SPDYE21: variants seen among roughly 807,000 people sequenced by gnomAD.
SPDYE21 encodes the protein speedy protein E21.
In SPDYE21, 14 loss-of-function variants were observed where a neutral mutation model predicts 36.2. That is an observed-to-expected ratio of 0.39 (90% CI 0.26 to 0.61). The LOEUF (loss-of-function observed/expected upper bound fraction) is 0.61, where lower values mean the gene tolerates loss of function less well. Ranked by LOEUF, SPDYE21 falls within the 20% of genes least tolerant of loss-of-function variation. SPDYE21 has a pLI of 0.55. For synonymous variants in SPDYE21, 58 were observed against 155.1 expected, an observed-to-expected ratio of 0.37 and a Z score of 4.65; for missense variants, 233 against 424.6, an observed-to-expected ratio of 0.55 and a Z score of 3.97.
rs555814972 is a variant in SPDYE21 at position 67,286,271 on chromosome 7, G to A, written c.983G>A (p.Arg328His). The A allele has an allele frequency of 3.3e-5, 53 of 1,592,996 alleles. No individual in the cohort carries two copies. In the East Asian group the frequency reaches 8.5e-4, roughly 25 times the overall value. Residue 328 changes from arginine to histidine, a missense_variant, in exon 7 of 9, where the codon CGC becomes CAC. Arg to His is a conservative substitution (Grantham distance 29, BLOSUM62 0). This residue lies in a region of SPDYE21 where 139 missense variants were observed against 175.8 expected (regional missense o/e 0.79). Coordinates refer to ENST00000424157, the MANE Select transcript of SPDYE21 (RefSeq NM_001382715.2). ...RSMNPRARKY[R>H]SRIPLVRKRR... is the part of the protein sequence containing the mutation. ...ATGAACCCGAGGGCCAGGAAGTACC[G>A]CTCTCGCATACCCTTGGTCCGTAAG...
At chr7:67,285,413 CAG>C (rs1368508389) in intron 6 of SPDYE21, among the ~76,000 whole-genome samples, 1 of 151,508 alleles carries the variant, frequency 6.6e-6, no homozygotes, top group Non-Finnish European at 1.5e-5. Context: ...TTTATTGAGA[CAG>C]AGTCTTGCTC....
Position 67,288,069 on chromosome 7 carries a change from G to GT in SPDYE21, c.*603dup. Among the ~76,000 whole-genome samples the GT allele has an allele frequency of 6.6e-6, 1 of 151,614 alleles. No homozygotes were observed. Among genetic ancestry groups the GT allele is most frequent in the East Asian group, 1.9e-4 (1 of 5,184 alleles). ...CTTTTGAAAACATGCTGTTCCTGTA[G>GT]TTTTTTGATGAGAGTTATAGTTGTT... is the stretch of plus-strand genomic sequence containing the variant. On this transcript the variant is annotated 3_prime_UTR_variant, in exon 9 of 9. Coordinates refer to ENST00000424157, the MANE Select transcript of SPDYE21 (RefSeq NM_001382715.2).
In SPDYE21 at chr7:67,286,313, G is replaced by A. The variant is rs1411083016; in HGVS notation, c.1025G>A (p.Arg342His). The A allele has an allele frequency of 6.9e-6, 11 of 1,600,736 alleles. No homozygotes were observed. Among genetic ancestry groups the A allele is most frequent in the African/African-American group, 2.7e-5 (2 of 74,654 alleles). ...PLVRKRRFQL[R>H]RCMNPRARKN... ...GTCCGTAAGCGTCGGTTCCAGTTAC[G>A]CCGTTGCATGAACCCGAGGGCCAGG... The change falls in exon 7 of 9, where the codon CGC becomes CAC. Residue 342 changes from arginine to histidine, a missense_variant. Physicochemically the swap from Arg to His is conservative, Grantham distance 29 (BLOSUM62 0). Around this residue, in one of 4 missense-constraint regions of SPDYE21, gnomAD observed 139 missense variants for 175.8 expected, o/e 0.79. Coordinates refer to ENST00000424157, the MANE Select transcript of SPDYE21 (RefSeq NM_001382715.2).
chr7:67,287,603 C>A lies in SPDYE21; in HGVS notation c.*131C>A, dbSNP rs1368931295. On this transcript the variant is annotated 3_prime_UTR_variant, in exon 9 of 9. Transcript: ENST00000424157. ...AGACACCAGGAAGGAGAAGAGGAAC[C>A]ATTTGTGCAGATCATCTAGAAGAAC... is the stretch of plus-strand genomic sequence containing the variant. Among the ~76,000 whole-genome samples, 1 of 147,822 alleles carries A rather than the reference C, an allele frequency of 6.8e-6. No homozygotes were observed. Among genetic ancestry groups the A allele is most frequent in the Non-Finnish European group, 1.5e-5 (1 of 67,552 alleles).
Position 67,288,844 on chromosome 7 carries a change from A to G in SPDYE21, c.*1372A>G, listed in dbSNP as rs1412888534. 6.6e-6 allele frequency among the ~76,000 whole-genome samples: 1 copy of G among 150,804 alleles called. No homozygotes were observed. Among genetic ancestry groups the G allele is most frequent in the Non-Finnish European group, 1.5e-5 (1 of 67,776 alleles). ...ATATATTTGAAATGTGAGAATTCAG[A>G]TGTAATTTTTTACCTTGTTTTGGCA... On this transcript the variant is annotated 3_prime_UTR_variant, in exon 9 of 9. Coordinates refer to ENST00000424157, the MANE Select transcript of SPDYE21 (RefSeq NM_001382715.2).
intron 4 of SPDYE21, among the ~76,000 whole-genome samples, 160 bp from the exon 5 acceptor site, chr7:67,282,475 T>C (rs1413017530): frequency 6.6e-6 from 1 of 150,824 alleles, no homozygotes; most frequent in African/African-American, 2.4e-5. Context: ...CAGGAGCCTC[T>C]CTCCCTTGCC....
At chr7:67,280,825 G>A (rs1255647182) in intron 3 of SPDYE21, among the ~76,000 whole-genome samples, 108 of 137,640 alleles carry the variant, frequency 7.8e-4, no homozygotes, top group African/African-American at 2.9e-3. Flanking sequence ...GCTCACACCT[G>A]TAATCCCAGC....
Position 67,282,615 on chromosome 7 carries a change from C to T in SPDYE21, c.611-20C>T, listed in dbSNP as rs1802659063. 1 of 1,574,970 alleles carries T rather than the reference C, an allele frequency of 6.3e-7. No individual in the cohort carries two copies. The highest frequency in any genetic ancestry group is 8.6e-7 in the Non-Finnish European group (1 of 1,161,118). On this transcript the variant is annotated intron_variant, in intron 4 of 8. Coordinates refer to ENST00000424157, the MANE Select transcript of SPDYE21 (RefSeq NM_001382715.2). ...AACCCTGTCCTGCTTCTCACACTGA[C>T]ATCTGCTCTCTAATCACAGAGGATC...
chr7:67,280,345 G>A (rs1030965613), intron 3 of SPDYE21, among the ~76,000 whole-genome samples: 9 of 152,044 alleles, frequency 5.9e-5, no homozygotes, highest in Non-Finnish European at 1.2e-4. Context: ...CTTTGAGGCT[G>A]CAGTGAGCTA....
chr7:67,282,839 C>A, intron 5 of SPDYE21, 146 bp downstream of exon 5: 1 of 1,077,572 alleles, frequency 9.3e-7, no homozygotes, highest in Non-Finnish European at 1.3e-6. Flanking sequence ...CAGAGTCTTG[C>A]TCTGTTGCCC....
In SPDYE21 at chr7:67,284,352, G is replaced by A. The variant is rs1484253810; in HGVS notation, c.755+354G>A. Among the ~76,000 whole-genome samples the A allele has an allele frequency of 1.0e-4, 15 of 149,616 alleles. No homozygotes were observed. The Admixed American group carries it at 1.0e-3, about 10-fold the overall frequency. ...TAATCCCAGCTACTTGGGAGGCTGA[G>A]GCAAGAGAACCCTTTGAACCCAGGA... On this transcript the variant is annotated intron_variant, in intron 6 of 8. Coordinates refer to ENST00000424157, the MANE Select transcript of SPDYE21 (RefSeq NM_001382715.2).
chr7:67,279,747 G>T lies in SPDYE21; in HGVS notation c.161-71G>T, dbSNP rs1802599307. 5.7e-6 allele frequency: 9 copies of T among 1,592,696 alleles called. 1 individual carries two copies. The highest frequency in any genetic ancestry group is 4.5e-4 in the Middle Eastern group (2 of 4,440). ...GGCTGGGGAGGATGGAGAGTGGTTTGGGGTTTTGGGTCGGGGTCTAAGGTG... is the reference window on the plus strand; with the variant it reads ...GGCTGGGGAGGATGGAGAGTGGTTTTGGGTTTTGGGTCGGGGTCTAAGGTG... On this transcript the variant is annotated intron_variant, in intron 2 of 8. Coordinates refer to ENST00000424157, the MANE Select transcript of SPDYE21 (RefSeq NM_001382715.2).
chr7:67,286,338 G>A lies in SPDYE21; in HGVS notation c.1050G>A (p.Arg350=). The change falls in exon 7 of 9, where the codon AGG becomes AGA. Residue 350 remains arginine, a synonymous_variant. Transcript: ENST00000424157. ...QLRRCMNPRA[R]KNRSQIVLFQ... ...GCCGTTGCATGAACCCGAGGGCCAGGAAGAACCGCTCTCAGATAGTCCTGT... is the reference window on the plus strand; with the variant it reads ...GCCGTTGCATGAACCCGAGGGCCAGAAAGAACCGCTCTCAGATAGTCCTGT... 6.2e-7 allele frequency: 1 copy of A among 1,613,892 alleles called. No homozygotes were observed. Among genetic ancestry groups the A allele is most frequent in the South Asian group, 1.1e-5 (1 of 91,068 alleles).
chr7:67,286,770 A>AT (rs1802743917), intron 8 of SPDYE21, among the ~76,000 whole-genome samples, 106 bp downstream of exon 8: 2 of 151,966 alleles, frequency 1.3e-5, no homozygotes, highest in African/African-American at 4.8e-5. Context: ...ACGTGGTGAG[A>AT]TCCCCTCTCC....
Position 67,282,667 on chromosome 7 carries a change from G to A in SPDYE21, c.643G>A (p.Asp215Asn). The change falls in exon 5 of 9, where the codon GAC (aspartate) becomes AAC (asparagine). Residue 215 changes from aspartate (D) to asparagine (N), a missense_variant. Asp to Asn is a conservative substitution (Grantham distance 23). Around this residue, in one of 4 missense-constraint regions of SPDYE21, gnomAD observed 24 missense variants for 59.2 expected, o/e 0.41. Transcript: ENST00000424157. ...DPVIKRFLAW[D>N]KDLRVSDKYL... ...TGTCATTAAAAGATTCCTGGCCTGG[G>A]ACAAAGATCTGAGGGTGTCGGACAA... 6.4e-7 allele frequency: 1 copy of A among 1,560,292 alleles called. No homozygotes were observed. Among genetic ancestry groups the A allele is most frequent in the Non-Finnish European group, 8.6e-7 (1 of 1,160,616 alleles).
chr7:67,284,399 A>G (rs1802692331), intron 6 of SPDYE21, among the ~76,000 whole-genome samples: 1 of 142,872 alleles, frequency 7.0e-6, no homozygotes, highest in Non-Finnish European at 1.5e-5. Flanking sequence ...CAGTAAGCTA[A>G]GGTCGAGCCA....
In SPDYE21 at chr7:67,286,139, T is replaced by C. The variant is rs1802727759; in HGVS notation, c.851T>C (p.Leu284Pro). Residue 284 changes from leucine (L) to proline (P), a missense_variant, in exon 7 of 9, where the codon CTC (leucine) becomes CCC (proline). This residue lies in a region of SPDYE21 where 139 missense variants were observed against 175.8 expected (regional missense o/e 0.79). Transcript: ENST00000424157. ...AAGACCCGCTCTCGCATACCCTTGCTCCGTAAGCGTTGGTTCCAGTTAGGC... is the reference window on the plus strand; with the variant it reads ...AAGACCCGCTCTCGCATACCCTTGCCCCGTAAGCGTTGGTTCCAGTTAGGC... Reference protein sequence around the residue: ...YGKTRSRIPLLRKRWFQLGRS... With the variant: ...YGKTRSRIPLPRKRWFQLGRS... 6.2e-7 allele frequency: 1 copy of C among 1,611,458 alleles called. No individual in the cohort carries two copies. Among genetic ancestry groups the C allele is most frequent in the Non-Finnish European group, 8.5e-7 (1 of 1,179,110 alleles).
rs372331539 is a variant in SPDYE21 at position 67,279,236 on chromosome 7, C to T, written c.160+363C>T. Among the ~76,000 whole-genome samples the T allele has an allele frequency of 2.1e-3, 295 of 143,872 alleles. 5 individuals are homozygous for T. The East Asian group carries it at 0.055, about 27-fold the overall frequency. The allele number at this position is 143,872 out of a possible 152,430, so 94.4% of individuals were successfully genotyped here. A position where few individuals can be genotyped will look rare whatever the true frequency, so the allele number is the denominator to read the frequency against. ...AAGGGTCAGCGGTCAGGAAGGAGAA[C>T]CTGAGGAGGGTGTGTGGGAAGAATG... On this transcript the variant is annotated intron_variant, in intron 2 of 8. Coordinates refer to ENST00000424157, the MANE Select transcript of SPDYE21 (RefSeq NM_001382715.2).
In SPDYE21 at chr7:67,278,888, G is replaced by A. The variant is rs1310636644; in HGVS notation, c.160+15G>A. Among the ~76,000 whole-genome samples, 2 of 150,918 alleles carry A rather than the reference G, an allele frequency of 1.3e-5. No homozygotes were observed. The highest frequency in any genetic ancestry group is 3.0e-5 in the Non-Finnish European group (2 of 67,376). On this transcript the variant is annotated intron_variant, in intron 2 of 8. Transcript: ENST00000424157. ...GGGACCATCAGGTGAGGGGACTGGTGGAAGAAGAGGTGGGATAGGATTGAC... is the reference window on the plus strand; with the variant it reads ...GGGACCATCAGGTGAGGGGACTGGTAGAAGAAGAGGTGGGATAGGATTGAC...
Sources: allele counts gnomAD v4.1 joint callset (sites outside exome capture counted in the v4.1 genomes callset), GRCh38; gene constraint gnomAD v4.1.1; regional missense constraint gnomAD v4.1.1; transcripts MANE v1.5; gene names NCBI Gene and HGNC (gene_info 2026-07-23, HGNC 2026-07-21).